MPHOSPH8: variants seen among roughly 807,000 people sequenced by gnomAD.
MPHOSPH8 encodes the protein M-phase phosphoprotein, mpp.
In MPHOSPH8, 45 loss-of-function variants were observed where a neutral mutation model predicts 87.3. The observed-to-expected ratio is 0.52, with a 90% CI of 0.41 to 0.66. The LOEUF (loss-of-function observed/expected upper bound fraction) is 0.66, where lower values mean the gene tolerates loss of function less well. MPHOSPH8 is among the 30% of genes least tolerant of loss of function. The pLI, the probability that MPHOSPH8 is intolerant of heterozygous loss-of-function variation, is 0.00. For missense variants in MPHOSPH8, 883 were observed against 1,020.2 expected (o/e 0.87, Z 1.83); for synonymous variants, 366 against 376.9 (o/e 0.97, Z 0.33).
In MPHOSPH8 at chr13:19,672,959, G is replaced by A; in HGVS notation, c.*1084G>A. 1 of 395,320 alleles carries A rather than the reference G, an allele frequency of 2.5e-6. No homozygotes were observed. The highest frequency in any genetic ancestry group is 1.9e-5 in the South Asian group (1 of 51,728). 24.5% of individuals were successfully genotyped at this position (395,320 alleles called of 1,614,324 possible). ...TAGTCCCAGATACTCAGGAGGCTGA[G>A]GTGAAAGGATTGCTTGAGCCAGGGA... On this transcript the variant is annotated 3_prime_UTR_variant, in exon 14 of 14. Transcript: ENST00000361479.
Position 19,633,954 on chromosome 13 carries a change from C to T in MPHOSPH8, c.206C>T (p.Thr69Ile), listed in dbSNP as rs1436859357. The T allele has an allele frequency of 2.5e-6, 4 of 1,607,414 alleles. No homozygotes were observed. In the African/African-American group the frequency reaches 5.3e-5, roughly 21 times the overall value. ...GTGGAGAAGATCCTGGACATGAAGA[C>T]CGAGGGGGTATGTGGAGGGGCCCCG... is the stretch of plus-strand genomic sequence containing the variant. Reference protein sequence around the residue: ...FEVEKILDMKTEGGKVLYKVR... With the variant: ...FEVEKILDMKIEGGKVLYKVR... Residue 69 changes from threonine (T) to isoleucine (I), a missense_variant, in exon 1 of 14, where the codon ACC becomes ATC. Coordinates refer to ENST00000361479, the MANE Select transcript of MPHOSPH8 (RefSeq NM_017520.4).
At chr13:19,656,525 C>T (rs1232367439) in intron 5 of MPHOSPH8, among the ~76,000 whole-genome samples, 2 of 151,760 alleles carry the variant, frequency 1.3e-5, no homozygotes, top group Non-Finnish European at 2.9e-5. Context: ...CTTGGGAGGC[C>T]GAGGCGGGTG....
In MPHOSPH8 at chr13:19,642,263, A is replaced by C. The variant is rs1874335290; in HGVS notation, c.362A>C (p.Asp121Ala). The change falls in exon 2 of 14, where the codon GAT becomes GCT. Residue 121 changes from aspartate to alanine, a missense_variant. Asp to Ala is a moderately radical substitution (Grantham distance 126). This residue lies in a region of MPHOSPH8 where 39 missense variants were observed against 82.4 expected (regional missense o/e 0.47). Transcript: ENST00000361479. ...AACAAAGCCAAAGCAGTCAGGAAGG[A>C]TATTCAGGTACTATGTTTTGTCTCA... ...AENKAKAVRKDIQRLSLNNDI... is the reference protein window; with the variant it reads ...AENKAKAVRKAIQRLSLNNDI... 1.3e-6 allele frequency: 2 copies of C among 1,589,932 alleles called. No individual in the cohort carries two copies. Among genetic ancestry groups the C allele is most frequent in the Non-Finnish European group, 1.7e-6 (2 of 1,172,906 alleles).
chr13:19,644,219 G>T (rs1874454497), intron 2 of MPHOSPH8, among the ~76,000 whole-genome samples: 1 of 152,120 alleles, frequency 6.6e-6, no homozygotes, highest in African/African-American at 2.4e-5. Flanking sequence ...TGTTGAGTAT[G>T]TAAAATACTT....
Position 19,654,096 on chromosome 13 carries a change from C to T in MPHOSPH8, c.1576+3836C>T, listed in dbSNP as rs1231174575. On this transcript the variant is annotated intron_variant, in intron 5 of 13. Transcript: ENST00000361479. ...CTCCTCAAGAAGAGCATCCCCAAGA[C>T]GTAATCATCAGATTCACCAAGGTTG... 5.3e-5 allele frequency among the ~76,000 whole-genome samples: 8 copies of T among 152,220 alleles called. No homozygotes were observed. The South Asian group carries it at 6.2e-4, about 12-fold the overall frequency.
chr13:19,671,149 A>G (rs1876105031), intron 12 of MPHOSPH8, 57 bp from the exon 13 acceptor site: 1 of 1,585,736 alleles, frequency 6.3e-7, no homozygotes, highest in Non-Finnish European at 8.5e-7. Flanking sequence ...TTGGTGTTTT[A>G]AGGGCTTCTG....
intron 2 of MPHOSPH8, 132 bp downstream of exon 2, chr13:19,642,402 C>G: frequency 1.3e-6 from 1 of 743,280 alleles, no homozygotes; most frequent in South Asian, 3.3e-5. Context: ...TTCCATGTAG[C>G]CAATTCTCAC....
At chr13:19,663,495 T>G (rs1184293703) in intron 9 of MPHOSPH8, among the ~76,000 whole-genome samples, 1 of 152,230 alleles carries the variant, frequency 6.6e-6, no homozygotes, top group Non-Finnish European at 1.5e-5. Flanking sequence ...GCAGGGAGGC[T>G]GCTGGCCTCG....
Position 19,666,488 on chromosome 13 carries a change from A to G in MPHOSPH8, c.2083A>G (p.Ile695Val). 3 of 1,612,030 alleles carry G rather than the reference A, an allele frequency of 1.9e-6. No individual in the cohort carries two copies. The highest frequency in any genetic ancestry group is 1.7e-6 in the Non-Finnish European group (2 of 1,178,218). ...LVIECGADCNILSKHQNSALH... is the reference protein window; with the variant it reads ...LVIECGADCNVLSKHQNSALH... Reference sequence around the variant, plus strand: ...AATTGAATGTGGAGCTGACTGCAATATTTTGTCAAAGCACCAGAATAGTGC... The same window carrying G: ...AATTGAATGTGGAGCTGACTGCAATGTTTTGTCAAAGCACCAGAATAGTGC... Residue 695 changes from isoleucine to valine, a missense_variant, in exon 10 of 14, where the codon ATT becomes GTT. Ile to Val is a conservative substitution (Grantham distance 29). Transcript: ENST00000361479.
rs754902582 is a variant in MPHOSPH8 at position 19,673,377 on chromosome 13, CA to C, written c.*1503del. The C allele has an allele frequency of 9.3e-5, 24 of 258,758 alleles. No individual in the cohort carries two copies. Among genetic ancestry groups the C allele is most frequent in the Non-Finnish European group, 1.2e-4 (16 of 129,874 alleles). 16.0% of individuals were successfully genotyped at this position (258,758 alleles called of 1,614,324 possible). ...CGTTTGTGTAGATATTTCAGAGAACCATTTTTACTTTACATCCTAAAACTGC... is the reference window on the plus strand; with the variant it reads ...CGTTTGTGTAGATATTTCAGAGAACCTTTTTACTTTACATCCTAAAACTGC... On this transcript the variant is annotated 3_prime_UTR_variant, in exon 14 of 14. Coordinates refer to ENST00000361479, the MANE Select transcript of MPHOSPH8 (RefSeq NM_017520.4).
At chr13:19,646,197 C>T (rs774681292) in intron 2 of MPHOSPH8, among the ~76,000 whole-genome samples, 5 of 152,142 alleles carry the variant, frequency 3.3e-5, no homozygotes, top group Non-Finnish European at 7.3e-5. Context: ...TTGGGTTGGG[C>T]GCTCAGCAGC....
intron 10 of MPHOSPH8, among the ~76,000 whole-genome samples, chr13:19,667,251 C>T (rs1291210252): frequency 6.6e-6 from 1 of 152,150 alleles, no homozygotes; most frequent in Non-Finnish European, 1.5e-5. Context: ...TTAAGCACAG[C>T]AAAGTTGAGC....
chr13:19,666,307 C>T (rs1875810407), intron 9 of MPHOSPH8, 118 bp from the exon 10 acceptor site: 2 of 1,099,252 alleles, frequency 1.8e-6, no homozygotes, highest in East Asian at 2.4e-5. Flanking sequence ...GTTCTCTATC[C>T]TTCTTCCATG....
In MPHOSPH8 at chr13:19,673,258, C is replaced by T. The variant is rs1205283410; in HGVS notation, c.*1383C>T. The T allele has an allele frequency of 2.5e-6, 1 of 402,560 alleles. No homozygotes were observed. Among genetic ancestry groups the T allele is most frequent in the East Asian group, 7.1e-5 (1 of 14,020 alleles). 24.9% of individuals were successfully genotyped at this position (402,560 alleles called of 1,614,324 possible). ...CTGTATGGCAAGCATAAATCAAGCT[C>T]AGTCTGGGTTATGGAGAAGTTGAAA... is the stretch of plus-strand genomic sequence containing the variant. On this transcript the variant is annotated 3_prime_UTR_variant, in exon 14 of 14. Transcript: ENST00000361479.
intron 5 of MPHOSPH8, among the ~76,000 whole-genome samples, chr13:19,654,073 C>G (rs187455813): frequency 4.7e-4 from 72 of 152,268 alleles, no homozygotes; most frequent in Non-Finnish European, 7.4e-4. Flanking sequence ...TTAAGATACT[C>G]CTCAAGAAGA....
At chr13:19,660,500 A>G (rs1013766522) in intron 7 of MPHOSPH8, among the ~76,000 whole-genome samples, 2 of 152,206 alleles carry the variant, frequency 1.3e-5, no homozygotes, top group Non-Finnish European at 2.9e-5. Context: ...TACAATTCAC[A>G]AAATTATTGG....
In MPHOSPH8 at chr13:19,647,286, G is replaced by A. The variant is rs759798225; in HGVS notation, c.1213G>A (p.Glu405Lys). ...ERGLWSTDSA[E>K]EDKETKRNES... ...AGGCCTCTGGTCCACGGACTCAGCC[G>A]AGGAGGTAAGGGCCACGGGAGGCAG... Residue 405 changes from glutamate to lysine, a missense_variant, in exon 3 of 14, where the codon GAG becomes AAG. Coordinates refer to ENST00000361479, the MANE Select transcript of MPHOSPH8 (RefSeq NM_017520.4). 37 of 1,593,670 alleles carry A rather than the reference G, an allele frequency of 2.3e-5. No homozygotes were observed. In the East Asian group the frequency reaches 4.5e-4, roughly 19 times the overall value.
intron 5 of MPHOSPH8, among the ~76,000 whole-genome samples, chr13:19,658,415 G>T (rs1052494146): frequency 6.6e-6 from 1 of 152,122 alleles, no homozygotes; most frequent in African/African-American, 2.4e-5. Context: ...GAACACATGC[G>T]TCCTCAGTGT....
intron 4 of MPHOSPH8, among the ~76,000 whole-genome samples, 175 bp downstream of exon 4, chr13:19,648,696 T>A (rs1874696779): frequency 6.6e-6 from 1 of 152,042 alleles, no homozygotes; most frequent in South Asian, 2.1e-4. Flanking sequence ...GGAAATTAGT[T>A]GTGGCAGAAA....
Sources: allele counts gnomAD v4.1 joint callset (sites outside exome capture counted in the v4.1 genomes callset), GRCh38; gene constraint gnomAD v4.1.1; regional missense constraint gnomAD v4.1.1; transcripts MANE v1.5; gene names NCBI Gene and HGNC (gene_info 2026-07-23, HGNC 2026-07-21).